The following SUMF1 variants were observed in gnomAD, a reference collection of about 807,000 sequenced individuals.
The protein encoded by SUMF1 is sulfatase modifying factor 1.
SUMF1 carries 48 observed loss-of-function variants against 47.6 expected under a neutral mutation model. The observed-to-expected ratio is 1.01, with a 90% CI of 0.80 to 1.28. The LOEUF is 1.28. Among genes scored for constraint, SUMF1 ranks in the 50% most tolerant of loss-of-function variants. SUMF1 has a pLI of 0.00. For synonymous variants in SUMF1, 230 were observed against 192.1 expected (o/e 1.20, Z -1.63); for missense variants, 571 against 485.4 (o/e 1.18, Z -1.66).
intron 8 of SUMF1, among the ~76,000 whole-genome samples, chr3:4,354,351 G>A (rs1473578017): frequency 6.6e-6 from 1 of 152,192 alleles, no homozygotes; most frequent in Non-Finnish European, 1.5e-5. Context: ...GATCAACACA[G>A]TATGGGCCAA....
chr3:4,374,732 T>C (rs1164691462), intron 8 of SUMF1, among the ~76,000 whole-genome samples: 1 of 152,218 alleles, frequency 6.6e-6, no homozygotes, highest in East Asian at 1.9e-4. Flanking sequence ...TCTGGTTTCC[T>C]GGCAAGAAGA....
At chr3:4,455,280 T>G (rs897451857) in intron 1 of SUMF1, among the ~76,000 whole-genome samples, 1 of 152,152 alleles carries the variant, frequency 6.6e-6, no homozygotes, top group African/African-American at 2.4e-5. Flanking sequence ...AGAAACTACT[T>G]ATAAACAATT....
intron 1 of SUMF1, among the ~76,000 whole-genome samples, chr3:4,459,674 T>A (rs533859349): frequency 6.6e-6 from 1 of 152,268 alleles, no homozygotes; most frequent in South Asian, 2.1e-4. Flanking sequence ...CATCCCCTAC[T>A]CCCAATATTA....
chr3:4,115,100 G>A (rs1467953158), intron 8 of SUMF1, among the ~76,000 whole-genome samples: 4 of 151,882 alleles, frequency 2.6e-5, no homozygotes, highest in Non-Finnish European at 5.9e-5. Context: ...AGACCCTCGC[G>A]GGCACAAATG....
At chr3:4,183,414 G>A (rs1695136951) in intron 8 of SUMF1, among the ~76,000 whole-genome samples, 1 of 152,134 alleles carries the variant, frequency 6.6e-6, no homozygotes, top group Admixed American at 6.5e-5. Flanking sequence ...TAAAGTGACA[G>A]TATCATTTTC....
At chr3:4,278,620 G>T (rs1697466917) in intron 8 of SUMF1, among the ~76,000 whole-genome samples, 1 of 152,062 alleles carries the variant, frequency 6.6e-6, no homozygotes, top group African/African-American at 2.4e-5. Context: ...ACAGACAACA[G>T]AAACCGTTTA....
intron 7 of SUMF1, among the ~76,000 whole-genome samples, chr3:4,405,468 C>T (rs1378064195): frequency 6.6e-6 from 1 of 152,206 alleles, no homozygotes; most frequent in African/African-American, 2.4e-5. Context: ...CTCACTGCAA[C>T]CTCTGCCTCC....
chr3:4,149,565 C>T (rs1049740720), intron 8 of SUMF1, among the ~76,000 whole-genome samples: 12 of 152,116 alleles, frequency 7.9e-5, no homozygotes, highest in African/African-American at 2.9e-4. Context: ...TGAACCACGT[C>T]ATTAGGAATT....
chr3:4,061,917 G>A (rs795722), intron 9 of SUMF1, among the ~76,000 whole-genome samples: 148,785 of 152,170 alleles, frequency 0.98, 72,808 homozygotes, highest in Middle Eastern at 1. Context: ...AATTAACAAC[G>A]GGTAATGATG....
chr3:4,163,820 T>C (rs1574941012), intron 8 of SUMF1, among the ~76,000 whole-genome samples: 1 of 152,140 alleles, frequency 6.6e-6, no homozygotes, highest in East Asian at 1.9e-4. Flanking sequence ...AACATCAGTC[T>C]TCTAATAGAC....
chr3:4,128,250 G>GCA (rs1417389901), intron 8 of SUMF1, among the ~76,000 whole-genome samples: 1 of 152,148 alleles, frequency 6.6e-6, no homozygotes, highest in Non-Finnish European at 1.5e-5. Context: ...AAAGTTGCAC[G>GCA]CACAGCCTCA....
intron 8 of SUMF1, among the ~76,000 whole-genome samples, chr3:4,229,767 A>G (rs1163774070): frequency 6.6e-6 from 1 of 152,066 alleles, no homozygotes; most frequent in African/African-American, 2.4e-5. Context: ...TAATCCCAGC[A>G]CTTTGGGTAG....
chr3:4,380,342 G>A (rs571245120), intron 7 of SUMF1, among the ~76,000 whole-genome samples: 4 of 152,298 alleles, frequency 2.6e-5, no homozygotes, highest in African/African-American at 7.2e-5. Flanking sequence ...AATACCGCAT[G>A]TTCTCACTTA....
chr3:4,256,013 C>A (rs1434290140), intron 8 of SUMF1, among the ~76,000 whole-genome samples: 2 of 150,320 alleles, frequency 1.3e-5, no homozygotes, highest in Non-Finnish European at 3.0e-5. Flanking sequence ...TCCTGAATGA[C>A]TACTGGGTAC....
intron 8 of SUMF1, among the ~76,000 whole-genome samples, chr3:4,206,462 C>G (rs1460896009): frequency 6.6e-6 from 1 of 152,130 alleles, no homozygotes; most frequent in Non-Finnish European, 1.5e-5. Flanking sequence ...CAGGTGAATT[C>G]TGCCCTTCAC....
At chr3:4,235,803 T>C (rs371875614) in intron 8 of SUMF1, among the ~76,000 whole-genome samples, 85 of 152,122 alleles carry the variant, frequency 5.6e-4, no homozygotes, top group African/African-American at 1.9e-3. Flanking sequence ...GCAAGTACCA[T>C]CTCCCTCCCC....
chr3:4,269,135 G>C (rs1217338827), intron 8 of SUMF1, among the ~76,000 whole-genome samples: 2 of 152,026 alleles, frequency 1.3e-5, no homozygotes, highest in Non-Finnish European at 2.9e-5. Flanking sequence ...CACTGCCATA[G>C]ATGTGTTTTG....
At chr3:4,323,668 G>A (rs1280013699) in intron 8 of SUMF1, among the ~76,000 whole-genome samples, 2 of 152,134 alleles carry the variant, frequency 1.3e-5, no homozygotes, top group African/African-American at 2.4e-5. Context: ...GGTAACTTGT[G>A]ACTCTGAACA....
intron 3 of SUMF1, among the ~76,000 whole-genome samples, chr3:4,425,345 C>T (rs1159034217): frequency 6.6e-6 from 1 of 152,140 alleles, no homozygotes; most frequent in Non-Finnish European, 1.5e-5. Context: ...TTTAAAAATA[C>T]ATGTAAAGTG....
Sources: gnomAD v4.1 joint callset for allele counts (sites outside exome capture counted in the v4.1 genomes callset) on GRCh38, gnomAD v4.1.1 for gene constraint, MANE v1.5 for transcripts, NCBI Gene and HGNC (gene_info 2026-07-23, HGNC 2026-07-21) for gene names.